The following PRMT8 variants were observed in gnomAD, a reference collection of about 807,000 sequenced individuals.
PRMT8 encodes protein arginine methyltransferase 8.
PRMT8 carries 7 observed loss-of-function variants against 47.1 expected under a neutral mutation model. The observed-to-expected ratio is 0.15, with a 90% CI of 0.08 to 0.28. The LOEUF (loss-of-function observed/expected upper bound fraction) is 0.28, where lower values mean the gene tolerates loss of function less well. Among genes scored for constraint, PRMT8 ranks in the 10% least tolerant of loss-of-function variants. The pLI, the probability that PRMT8 is intolerant of heterozygous loss-of-function variation, is 1.00. For synonymous variants in PRMT8, 188 were observed against 186.5 expected (o/e 1.01, Z -0.07); for missense variants, 237 against 505.4 (o/e 0.47, Z 5.09).
At chr12:3,574,501 A>T (rs1354623985) in intron 6 of PRMT8, among the ~76,000 whole-genome samples, 1 of 152,270 alleles carries the variant, frequency 6.6e-6, no homozygotes, top group Non-Finnish European at 1.5e-5. Context: ...AAGCCCAGAA[A>T]AAAGGATTGA....
At chr12:3,397,758 T>G (rs1440357049) in intron 1 of PRMT8, among the ~76,000 whole-genome samples, 2 of 152,080 alleles carry the variant, frequency 1.3e-5, no homozygotes, top group Non-Finnish European at 1.5e-5. Flanking sequence ...GCTTCCCGGC[T>G]GCTTTGTTTA....
chr12:3,482,654 CAGA>C, intron 1 of PRMT8, among the ~76,000 whole-genome samples: 1 of 152,170 alleles, frequency 6.6e-6, no homozygotes, highest in South Asian at 2.1e-4. Context: ...GTCAGGCTGA[CAGA>C]TACTCTGGCC....
chr12:3,496,216 T>TATATA (rs34970187), intron 1 of PRMT8, among the ~76,000 whole-genome samples: 50 of 19,964 alleles, frequency 2.5e-3, no homozygotes, highest in South Asian at 0.011. Flanking sequence ...ATATATATAT[T>TATATA]TTTTTTTTTT....
At chr12:3,539,644 C>G (rs1026463063) in intron 1 of PRMT8, among the ~76,000 whole-genome samples, 1 of 152,192 alleles carries the variant, frequency 6.6e-6, no homozygotes, top group Non-Finnish European at 1.5e-5. Flanking sequence ...GCTCCAATTG[C>G]TGTCTCTGGG....
At chr12:3,480,917 G>A (rs1865268481) in intron 1 of PRMT8, among the ~76,000 whole-genome samples, 1 of 152,190 alleles carries the variant, frequency 6.6e-6, no homozygotes, top group East Asian at 1.9e-4. Context: ...AAAGCTAAGT[G>A]TTGATAGCTA....
chr12:3,438,989 A>G (rs776950873), intron 1 of PRMT8, among the ~76,000 whole-genome samples: 1 of 152,194 alleles, frequency 6.6e-6, no homozygotes, highest in Non-Finnish European at 1.5e-5. Flanking sequence ...CACTGTCCAC[A>G]TTTCCACTGG....
Position 3,445,274 on chromosome 12 carries a change from T to A in PRMT8, c.48+63832T>A, listed in dbSNP as rs17769276. On this transcript the variant is annotated intron_variant, in intron 1 of 9. Transcript: ENST00000452611. ...CCAGGGAAAGGTGGCCGGGGAGGAG[T>A]GATCCAGGTAGCCTGCAGCTTAGCC... is the stretch of plus-strand genomic sequence containing the variant. 9.3e-3 allele frequency among the ~76,000 whole-genome samples: 1,421 copies of A among 152,008 alleles called. 8 individuals carry two copies. The highest frequency in any genetic ancestry group is 0.015 in the Non-Finnish European group (1,053 of 67,940).
rs550309518 is a variant in PRMT8 at position 3,531,644 on chromosome 12, C to T, written c.76-8962C>T. On this transcript the variant is annotated intron_variant, in intron 1 of 9. Coordinates refer to ENST00000382622, the MANE Select transcript of PRMT8 (RefSeq NM_019854.5). ...AGAGACAGCCAGGGCTGGCAGGAGG[C>T]GCCTGTGCACAGCATGCAGCTGCTG... Among the ~76,000 whole-genome samples, 68 of 152,252 alleles carry T rather than the reference C, an allele frequency of 4.5e-4. 1 individual carries two copies. The highest frequency in any genetic ancestry group is 1.6e-3 in the African/African-American group (65 of 41,564).
chr12:3,434,968 C>CCT (rs1864721895), intron 1 of PRMT8, among the ~76,000 whole-genome samples: 1 of 130,726 alleles, frequency 7.6e-6, no homozygotes, highest in African/African-American at 2.9e-5. Context: ...TTGCTTTGCT[C>CCT]TTTTTTTTTT....
At chr12:3,592,120 G>A in intron 8 of PRMT8, 111 bp from the exon 9 acceptor site, 1 of 1,302,044 alleles carries the variant, frequency 7.7e-7, no homozygotes, top group Non-Finnish European at 1.0e-6. Flanking sequence ...GGTGGTTTCA[G>A]TGAGTCCCAG....
chr12:3,423,480 G>C (rs1413536102), intron 1 of PRMT8, among the ~76,000 whole-genome samples: 2 of 152,162 alleles, frequency 1.3e-5, no homozygotes, highest in Non-Finnish European at 2.9e-5. Context: ...TTTTCTCAGA[G>C]GGCCATTTTT....
chr12:3,440,998 A>T (rs1203918506), intron 1 of PRMT8, among the ~76,000 whole-genome samples: 1 of 152,190 alleles, frequency 6.6e-6, no homozygotes, highest in Non-Finnish European at 1.5e-5. Context: ...CTTGTGAGTT[A>T]TCTTTTTCAG....
intron 1 of PRMT8, among the ~76,000 whole-genome samples, chr12:3,423,501 A>G (rs1047155060): frequency 6.6e-6 from 1 of 152,144 alleles, no homozygotes. Context: ...CATCTTTCCA[A>G]TTTCCTATAG....
intron 1 of PRMT8, among the ~76,000 whole-genome samples, chr12:3,458,653 T>C (rs1323016798): frequency 6.6e-6 from 1 of 152,238 alleles, no homozygotes; most frequent in African/African-American, 2.4e-5. Flanking sequence ...CCACTTCAGT[T>C]TGGAGAGCTG....
chr12:3,565,729 C>A (rs1216425893), intron 4 of PRMT8, among the ~76,000 whole-genome samples: 1 of 152,116 alleles, frequency 6.6e-6, no homozygotes, highest in African/African-American at 2.4e-5. Flanking sequence ...CTCTTGTAAT[C>A]CATATTGATG....
intron 4 of PRMT8, among the ~76,000 whole-genome samples, chr12:3,562,552 G>A (rs537515637): frequency 6.6e-6 from 1 of 152,136 alleles, no homozygotes; most frequent in Non-Finnish European, 1.5e-5. Flanking sequence ...ATGGGGATGT[G>A]TTTTTTCCAA....
intron 1 of PRMT8, among the ~76,000 whole-genome samples, chr12:3,537,789 C>T (rs1665005564): frequency 1.3e-5 from 2 of 152,166 alleles, no homozygotes; most frequent in Admixed American, 6.5e-5. Flanking sequence ...GGCAGCCCCT[C>T]GGACACCCCA....
Position 3,528,752 on chromosome 12 carries a change from A to G in PRMT8, c.76-11854A>G, listed in dbSNP as rs575098299. ...ATTGTAAATTTTACCTCATTGGGTG[A>G]TGGATATTTTTAGATATTTTATGCT... On this transcript the variant is annotated intron_variant, in intron 1 of 9. Transcript: ENST00000382622. Among the ~76,000 whole-genome samples, 8 of 151,940 alleles carry G rather than the reference A, an allele frequency of 5.3e-5. No homozygotes were observed. In the South Asian group the frequency reaches 1.7e-3, roughly 32 times the overall value.
At chr12:3,522,661 A>C (rs1303669792) in intron 1 of PRMT8, among the ~76,000 whole-genome samples, 68 of 151,606 alleles carry the variant, frequency 4.5e-4, no homozygotes, top group South Asian at 1.0e-3. Context: ...AAAAAAAAAA[A>C]AAAAAAACAA....
Sources: gnomAD v4.1 joint callset for allele counts (sites outside exome capture counted in the v4.1 genomes callset) on GRCh38, gnomAD v4.1.1 for gene constraint, MANE v1.5 for transcripts, NCBI Gene and HGNC (gene_info 2026-07-23, HGNC 2026-07-21) for gene names.